Variants in AKT2 observed in about 807,000 individuals in gnomAD.
AKT2 encodes AKT serine/threonine kinase 2.
In AKT2, 16 loss-of-function variants were observed where a neutral mutation model predicts 58.6. The observed-to-expected ratio is 0.27, with a 90% CI of 0.18 to 0.41. The LOEUF (loss-of-function observed/expected upper bound fraction) is 0.41. AKT2 is among the 10% of genes least tolerant of loss of function. The probability of loss-of-function intolerance (pLI) is 1.00; values close to 1 mark genes in which losing one functional copy is unlikely to be tolerated. For synonymous variants in AKT2, 253 were observed against 254.0 expected (o/e 1.00, Z 0.04); for missense variants, 438 against 661.0 (o/e 0.66, Z 3.70).
chr19:40,242,359 C>T lies in AKT2; in HGVS notation c.441+175G>A, dbSNP rs776753923. ...CCACCCAAGGTTGCTCCCTCCCCTACGGGCATGGAGCACACCCTAGGGCAC... is the reference window on the plus strand; with the variant it reads ...CCACCCAAGGTTGCTCCCTCCCCTATGGGCATGGAGCACACCCTAGGGCAC... On this transcript the variant is annotated intron_variant, in intron 5 of 13. Coordinates refer to ENST00000392038, the MANE Select transcript of AKT2 (RefSeq NM_001626.6). The surrounding 1 kb of genome is among the most constrained non-coding windows in gnomAD (Gnocchi z 4.3). 12 of 1,071,918 alleles carry T rather than the reference C, an allele frequency of 1.1e-5. No individual in the cohort carries two copies. Among genetic ancestry groups the T allele is most frequent in the Middle Eastern group, 3.0e-4 (1 of 3,330 alleles). The allele number at this position is 1,071,918 out of a possible 1,614,324, so 66.4% of individuals were successfully genotyped here.
At position 40,238,025 on chromosome 19, in the gene AKT2, T is replaced by C. The variant is rs1207387979; in HGVS notation, c.775A>G (p.Ile259Val). The C allele has an allele frequency of 6.8e-6, 11 of 1,612,354 alleles. No homozygotes were observed. Among genetic ancestry groups the C allele is most frequent in the East Asian group, 2.2e-5 (1 of 44,858 alleles). The change falls in exon 9 of 14, where the codon ATT becomes GTT. Residue 259 changes from isoleucine to valine, a missense_variant. Ile to Val is a conservative substitution (Grantham distance 29). Transcript: ENST00000392038. The surrounding 1 kb of genome is among the most constrained non-coding windows in gnomAD (Gnocchi z 5.1). ...EERARFYGAE[I>V]VSALEYLHSR... ...TGCAAGTACTCAAGAGCCGAGACAATCTCTGCACCATAAAACCGGGCCCGC... is the reference window on the plus strand; with the variant it reads ...TGCAAGTACTCAAGAGCCGAGACAACCTCTGCACCATAAAACCGGGCCCGC...
At chr19:40,256,057 C>G (rs1377571437) in intron 3 of AKT2, among the ~76,000 whole-genome samples, 1 of 152,076 alleles carries the variant, frequency 6.6e-6, no homozygotes, top group East Asian at 1.9e-4. Context: ...CTGGGAGAGG[C>G]CTGAAGGTCA....
chr19:40,245,766 C>G (rs1274891627), intron 4 of AKT2, among the ~76,000 whole-genome samples: 2 of 152,180 alleles, frequency 1.3e-5, no homozygotes, highest in Admixed American at 6.5e-5. Flanking sequence ...ATGTCCACCC[C>G]ACGGAGGCAG....
chr19:40,268,050 G>A (rs551131882), intron 1 of AKT2, among the ~76,000 whole-genome samples: 22 of 152,228 alleles, frequency 1.4e-4, no homozygotes, highest in African/African-American at 4.8e-4. Context: ...GGTGGACAGG[G>A]GAGAACACCA....
At position 40,233,719 on chromosome 19, in the gene AKT2, G is replaced by A. The variant is rs1168494117; in HGVS notation, c.*153C>T. On this transcript the variant is annotated 3_prime_UTR_variant, in exon 14 of 14. Transcript: ENST00000392038. This position sits in a 1 kb window ranked among gnomAD's most constrained non-coding sequence, Gnocchi z 4.3. ...AGGCAGGGGCTGCAGGGGCCGCTGG[G>A]GTGCGTCTGGGAGGGGCCTGAAGAA... is the stretch of plus-strand genomic sequence containing the variant. 9.9e-6 allele frequency: 8 copies of A among 811,696 alleles called. No individual in the cohort carries two copies. Among genetic ancestry groups the A allele is most frequent in the Admixed American group, 1.8e-5 (1 of 55,774 alleles). 50.3% of individuals were successfully genotyped at this position (811,696 alleles called of 1,614,324 possible). A position where few individuals can be genotyped will look rare whatever the true frequency, so the allele number is the denominator to read the frequency against.
intron 2 of AKT2, among the ~76,000 whole-genome samples, chr19:40,257,625 C>G (rs1356659098): frequency 3.1e-5 from 4 of 127,902 alleles, no homozygotes; most frequent in Non-Finnish European, 6.5e-5. Context: ...ACACACGAAC[C>G]CACTCATCAG....
chr19:40,282,800 A>C (rs901423043), intron 1 of AKT2: 1 of 306,252 alleles, frequency 3.3e-6, no homozygotes, highest in Non-Finnish European at 6.4e-6. Context: ...CACAAATACC[A>C]TATAAAGCCC....
At chr19:40,262,458 G>C (rs956083217) in intron 2 of AKT2, among the ~76,000 whole-genome samples, 1 of 152,208 alleles carries the variant, frequency 6.6e-6, no homozygotes, top group Admixed American at 6.5e-5. Flanking sequence ...CCCAGCATGG[G>C]GCGTGGCAGA....
chr19:40,249,483 G>C (rs1362754862), intron 4 of AKT2, among the ~76,000 whole-genome samples: 2 of 152,210 alleles, frequency 1.3e-5, no homozygotes, highest in African/African-American at 2.4e-5. Flanking sequence ...CCCAGCCCTG[G>C]GCCATCCTGC....
rs1414327753 is a variant in AKT2, at chr19:40,234,272, C to T, written c.1367-321G>A. 3.3e-5 allele frequency among the ~76,000 whole-genome samples: 5 copies of T among 152,158 alleles called. No individual in the cohort carries two copies. Among genetic ancestry groups the T allele is most frequent in the Non-Finnish European group, 1.5e-5 (1 of 68,020 alleles). On this transcript the variant is annotated intron_variant, in intron 13 of 13. Coordinates refer to ENST00000392038, the MANE Select transcript of AKT2 (RefSeq NM_001626.6). The surrounding 1 kb of genome is among the most constrained non-coding windows in gnomAD (Gnocchi z 4.7). ...CAGAGCCCTGTCCTGGCCTGCCTCT[C>T]GCACCCTCCCATCCATTCTCCACGG...
Position 40,231,929 on chromosome 19 carries a change from T to C in AKT2, c.*1943A>G. ...ACAGGGAGGTGGGGCAGGATAGGAATGCCCCCCTCTGAGGCTCGGCAGCCG... is the reference window on the plus strand; with the variant it reads ...ACAGGGAGGTGGGGCAGGATAGGAACGCCCCCCTCTGAGGCTCGGCAGCCG... On this transcript the variant is annotated 3_prime_UTR_variant, in exon 14 of 14. Transcript: ENST00000392038. The C allele has an allele frequency of 4.3e-6, 1 of 233,376 alleles. No homozygotes were observed. Among genetic ancestry groups the C allele is most frequent in the Non-Finnish European group, 8.5e-6 (1 of 118,138 alleles). 14.5% of individuals were successfully genotyped at this position (233,376 alleles called of 1,614,324 possible). A position where few individuals can be genotyped will look rare whatever the true frequency, so the allele number is the denominator to read the frequency against.
At chr19:40,239,640 A>G (rs1974264792) in intron 7 of AKT2, 2 of 368,816 alleles carry the variant, frequency 5.4e-6, no homozygotes, top group Non-Finnish European at 5.3e-6. Flanking sequence ...CCAAACAGGC[A>G]TCTACTCAGT....
At chr19:40,255,444 T>C in intron 3 of AKT2, 175 bp from the exon 4 acceptor site, 1 of 573,986 alleles carries the variant, frequency 1.7e-6, no homozygotes. Context: ...GTCTAGTGTG[T>C]GTGTGTGTGG....
Position 40,235,334 on chromosome 19 carries a change from T to C in AKT2, c.1192A>G (p.Ser398Gly). 6.2e-7 allele frequency: 1 copy of C among 1,613,838 alleles called. No individual in the cohort carries two copies. Among genetic ancestry groups the C allele is most frequent in the Non-Finnish European group, 8.5e-7 (1 of 1,180,004 alleles). Residue 398 changes from serine to glycine, a missense_variant, in exon 12 of 14, where the codon AGC (serine) becomes GGC (glycine). Physicochemically the swap from Ser to Gly is moderately conservative, Grantham distance 56 (BLOSUM62 0). Transcript: ENST00000392038. The surrounding 1 kb of genome is among the most constrained non-coding windows in gnomAD (Gnocchi z 6.3). ...TGCTCCATGACCTCCTTGGCATCGC[T>C]GGGCCCCCCACCAAGCCTGTGCAGA... ...DPKQRLGGGPSDAKEVMEHRF... is the reference protein window; with the variant it reads ...DPKQRLGGGPGDAKEVMEHRF...
At chr19:40,272,726 G>T (rs1440833138) in intron 1 of AKT2, among the ~76,000 whole-genome samples, 1 of 152,138 alleles carries the variant, frequency 6.6e-6, no homozygotes, top group Admixed American at 6.5e-5. Flanking sequence ...GCACGGGGAG[G>T]TATGTGTTTA....
At chr19:40,239,579 T>C in intron 7 of AKT2, 1 of 345,196 alleles carries the variant, frequency 2.9e-6, no homozygotes, top group Admixed American at 4.1e-5. Context: ...TAAGCCATCC[T>C]CAATCTAGTC....
intron 1 of AKT2, among the ~76,000 whole-genome samples, chr19:40,266,575 G>GGCTC (rs1600089092): frequency 6.6e-6 from 1 of 152,134 alleles, no homozygotes; most frequent in East Asian, 1.9e-4. Context: ...AGCAATAAGG[G>GGCTC]GCTCCCCTTG....
Sources: gnomAD v4.1 joint callset for allele counts (sites outside exome capture counted in the v4.1 genomes callset) on GRCh38, gnomAD v4.1.1 for gene constraint, Gnocchi (gnomAD v3.1) non-coding constraint, MANE v1.5 for transcripts, NCBI Gene and HGNC (gene_info 2026-07-23, HGNC 2026-07-21) for gene names.